The following HPCAL1 variants were observed in gnomAD, a reference collection of about 807,000 sequenced individuals.
The protein encoded by HPCAL1 is hippocalcin like 1.
HPCAL1 carries 8 observed loss-of-function variants against 17.1 expected under a neutral mutation model. That is an observed-to-expected ratio of 0.47 (90% CI 0.27 to 0.84). The LOEUF (loss-of-function observed/expected upper bound fraction) is 0.84. HPCAL1 is among the 40% of genes least tolerant of loss of function. The probability of loss-of-function intolerance (pLI) is 0.13; values close to 1 mark genes in which losing one functional copy is unlikely to be tolerated. For missense variants in HPCAL1, 165 were observed against 271.1 expected, an observed-to-expected ratio of 0.61 and a Z score of 2.75; for synonymous variants, 112 against 111.4, an observed-to-expected ratio of 1.01 and a Z score of -0.03.
rs1666595460 is a variant in HPCAL1, at chr2:10,362,690, A to G, written c.-110-34145A>G. Among the ~76,000 whole-genome samples the G allele has an allele frequency of 6.6e-6, 1 of 152,196 alleles. No homozygotes were observed. Among genetic ancestry groups the G allele is most frequent in the Non-Finnish European group, 1.5e-5 (1 of 68,026 alleles). ...TGGGAGAGAAGGGAGGGTAGCCCTG[A>G]GGCCATCCCAAATGCGAGTCTGTTC... On this transcript the variant is annotated intron_variant, in intron 1 of 4. Transcript: ENST00000307845. The surrounding 1 kb of genome is among the most constrained non-coding windows in gnomAD (Gnocchi z 5.0).
At chr2:10,420,486 G>A (rs1414688045) in intron 3 of HPCAL1, among the ~76,000 whole-genome samples, 1 of 152,052 alleles carries the variant, frequency 6.6e-6, no homozygotes, top group African/African-American at 2.4e-5. Context: ...GTGAGCCACC[G>A]TGCCTGGCCT....
At chr2:10,332,044 A>G (rs1664419661) in intron 1 of HPCAL1, among the ~76,000 whole-genome samples, 1 of 150,218 alleles carries the variant, frequency 6.7e-6, no homozygotes, top group East Asian at 2.0e-4. Flanking sequence ...CTTGTCACCC[A>G]TTGTCATTTA....
At chr2:10,369,096 C>T (rs1030530845) in intron 1 of HPCAL1, 3 of 152,226 alleles carry the variant, frequency 2.0e-5, no homozygotes, top group Admixed American at 6.5e-5. Context: ...GCACTGGAAC[C>T]TGCCCATCAC....
rs1232309126 is a variant in HPCAL1, at chr2:10,323,243, T to C, written c.-111+20066T>C. ...CACGGTGCTCCACGCTCTCAACCGTTGGTTGCAGGTTCCCGTCCAGCCTCT... is the reference window on the plus strand; with the variant it reads ...CACGGTGCTCCACGCTCTCAACCGTCGGTTGCAGGTTCCCGTCCAGCCTCT... On this transcript the variant is annotated intron_variant, in intron 1 of 4. Coordinates refer to ENST00000307845, the MANE Select transcript of HPCAL1 (RefSeq NM_002149.4). This position sits in a 1 kb window ranked among gnomAD's most constrained non-coding sequence, Gnocchi z 4.6. Among the ~76,000 whole-genome samples, 2 of 152,218 alleles carry C rather than the reference T, an allele frequency of 1.3e-5. No individual in the cohort carries two copies. Among genetic ancestry groups the C allele is most frequent in the East Asian group, 3.9e-4 (2 of 5,194 alleles).
At chr2:10,411,330 C>T (rs1490817484) in intron 2 of HPCAL1, among the ~76,000 whole-genome samples, 1 of 152,148 alleles carries the variant, frequency 6.6e-6, no homozygotes, top group Non-Finnish European at 1.5e-5. Flanking sequence ...AGCCCACCAC[C>T]CCACCGAAGC....
At chr2:10,321,668 G>T (rs1237304939) in intron 1 of HPCAL1, among the ~76,000 whole-genome samples, 4 of 152,026 alleles carry the variant, frequency 2.6e-5, no homozygotes, top group Non-Finnish European at 4.4e-5. Context: ...TTTACTTTAG[G>T]TGTCTCTGGA....
At chr2:10,352,939 G>C (rs901740773) in intron 1 of HPCAL1, among the ~76,000 whole-genome samples, 2 of 152,226 alleles carry the variant, frequency 1.3e-5, no homozygotes, top group Non-Finnish European at 2.9e-5. Flanking sequence ...TTTGGATACT[G>C]AATATTTTTG....
intron 1 of HPCAL1, among the ~76,000 whole-genome samples, chr2:10,340,467 C>G (rs925637688): frequency 6.6e-6 from 1 of 151,456 alleles, no homozygotes. Context: ...TTGGATGACT[C>G]AGAATATCCC....
intron 1 of HPCAL1, among the ~76,000 whole-genome samples, chr2:10,385,131 AC>A (rs1668226133): frequency 6.7e-6 from 1 of 149,480 alleles, no homozygotes; most frequent in African/African-American, 2.5e-5. Context: ...TGACAGGAAG[AC>A]CCCACCATGA....
intron 1 of HPCAL1, among the ~76,000 whole-genome samples, chr2:10,382,050 A>G (rs1346147716): frequency 3.3e-5 from 5 of 152,242 alleles, no homozygotes. Flanking sequence ...CAGCAGGTGA[A>G]TGGATAAATT....
chr2:10,331,694 C>A lies in HPCAL1; in HGVS notation c.-111+28517C>A, dbSNP rs1664391518. Among the ~76,000 whole-genome samples, 1 of 152,152 alleles carries A rather than the reference C, an allele frequency of 6.6e-6. No homozygotes were observed. Among genetic ancestry groups the A allele is most frequent in the African/African-American group, 2.4e-5 (1 of 41,432 alleles). On this transcript the variant is annotated intron_variant, in intron 1 of 4. Coordinates refer to ENST00000307845, the MANE Select transcript of HPCAL1 (RefSeq NM_002149.4). The surrounding 1 kb of genome is among the most constrained non-coding windows in gnomAD (Gnocchi z 5.0). ...GGCTGTCAGAGGCATCTGTCTCTTC[C>A]CCCGCATGCATCTTTCTCCCCGTCT...
At position 10,304,572 on chromosome 2, in the gene HPCAL1, C is replaced by T. The variant is rs1324403990; in HGVS notation, c.-111+1395C>T. On this transcript the variant is annotated intron_variant, in intron 1 of 4. Coordinates refer to ENST00000307845, the MANE Select transcript of HPCAL1 (RefSeq NM_002149.4). This position sits in a 1 kb window ranked among gnomAD's most constrained non-coding sequence, Gnocchi z 4.1. The stretch of plus-strand genomic sequence containing the variant: ...TGGGACACCTCCTCCTAGTCCCACA[C>T]CTTAATTTAAAACATTTACTTTTGA... 6.6e-6 allele frequency among the ~76,000 whole-genome samples: 1 copy of T among 152,216 alleles called. No homozygotes were observed. Among genetic ancestry groups the T allele is most frequent in the Non-Finnish European group, 1.5e-5 (1 of 68,038 alleles).
chr2:10,339,445 C>T (rs1265029250), intron 1 of HPCAL1, among the ~76,000 whole-genome samples: 1 of 152,178 alleles, frequency 6.6e-6, no homozygotes, highest in Non-Finnish European at 1.5e-5. Flanking sequence ...GCTGGGATTA[C>T]AGGCACATGC....
chr2:10,302,944 G>C lies in HPCAL1; in HGVS notation c.-344G>C, dbSNP rs1662361199. On this transcript the variant is annotated 5_prime_UTR_variant, in exon 1 of 5. Transcript: ENST00000307845. ...GCGGCGGGCAGCGGACGGGCGGACT[G>C]ACGGGCGCCTCCACCTTGCTCCCTC... 6.6e-6 allele frequency: 1 copy of C among 152,050 alleles called. No individual in the cohort carries two copies. The highest frequency in any genetic ancestry group is 2.1e-4 in the South Asian group (1 of 4,858). The allele number at this position is 152,050 out of a possible 1,614,324, so 9.4% of individuals were successfully genotyped here. A position where few individuals can be genotyped will look rare whatever the true frequency, so the allele number is the denominator to read the frequency against.
chr2:10,397,474 G>A (rs1301579168), intron 2 of HPCAL1, among the ~76,000 whole-genome samples: 1 of 151,042 alleles, frequency 6.6e-6, no homozygotes, highest in African/African-American at 2.4e-5. Flanking sequence ...ACCGTAGGCT[G>A]CCGGGCCCAG....
In HPCAL1 at chr2:10,417,165, C is replaced by A. The variant is rs887840805; in HGVS notation, c.-24-2569C>A. Among the ~76,000 whole-genome samples, 8 of 152,180 alleles carry A rather than the reference C, an allele frequency of 5.3e-5. No individual in the cohort carries two copies. In the East Asian group the frequency reaches 1.5e-3, roughly 29 times the overall value. Reference sequence around the variant, plus strand: ...ATCACCTGAAGTCAGGAGTTCGAGACCAGGTTGGCCAACATGGTGAAACCC... The same window carrying A: ...ATCACCTGAAGTCAGGAGTTCGAGAACAGGTTGGCCAACATGGTGAAACCC... On this transcript the variant is annotated intron_variant, in intron 2 of 4. Transcript: ENST00000307845.
chr2:10,356,890 C>G (rs967468980), intron 1 of HPCAL1, among the ~76,000 whole-genome samples: 1 of 152,170 alleles, frequency 6.6e-6, no homozygotes, highest in Non-Finnish European at 1.5e-5. Flanking sequence ...ATATCCACAA[C>G]TGTAGAGTGT....
chr2:10,336,233 G>A (rs1348157140), intron 1 of HPCAL1, among the ~76,000 whole-genome samples: 1 of 152,164 alleles, frequency 6.6e-6, no homozygotes, highest in Non-Finnish European at 1.5e-5. Context: ...ATCCTCTGCT[G>A]TAAATTAATT....
In HPCAL1 at chr2:10,365,950, T is replaced by C. The variant is rs748845999; in HGVS notation, c.-110-30885T>C. On this transcript the variant is annotated intron_variant, in intron 1 of 4. Transcript: ENST00000307845. The surrounding 1 kb of genome is among the most constrained non-coding windows in gnomAD (Gnocchi z 4.8). ...ATATAGACCAGGGATGCACGCCTCA[T>C]GAGGAGACGCTCACTCCCCCAGACA... Among the ~76,000 whole-genome samples the C allele has an allele frequency of 5.3e-5, 8 of 152,170 alleles. No individual in the cohort carries two copies. Among genetic ancestry groups the C allele is most frequent in the Middle Eastern group, 3.2e-3 (1 of 316 alleles).
Sources: gnomAD v4.1 joint callset for allele counts (sites outside exome capture counted in the v4.1 genomes callset) on GRCh38, gnomAD v4.1.1 for gene constraint, Gnocchi (gnomAD v3.1) non-coding constraint, MANE v1.5 for transcripts, NCBI Gene and HGNC (gene_info 2026-07-23, HGNC 2026-07-21) for gene names.